Variants in NRP1 observed in about 807,000 individuals in gnomAD.
NRP1 encodes neuropilin-1.
Under a neutral mutation model 106.7 loss-of-function variants are expected in NRP1, and 35 were observed. The ratio of observed to expected loss-of-function variants is 0.33; its 90% CI spans 0.25 to 0.43. The LOEUF (loss-of-function observed/expected upper bound fraction) is 0.43. Among genes scored for constraint, NRP1 ranks in the 20% least tolerant of loss-of-function variants. NRP1 has a pLI of 1.00. For missense variants in NRP1, 1,024 were observed against 1,170.4 expected (o/e 0.87, Z 1.83); for synonymous variants, 437 against 417.9 (o/e 1.05, Z -0.56).
In NRP1 at chr10:33,189,139, AACAC is replaced by A. The variant is rs57366065; in HGVS notation, c.2063-2655_2063-2652del. On this transcript the variant is annotated intron_variant, in intron 13 of 16. Transcript: ENST00000374867. ...ATAAAGAACCAGCAGTGTCCTGCCA[AACAC>A]ACACACACACACACTCACTCACAAT... Among the ~76,000 whole-genome samples the A allele has an allele frequency of 2.7e-5, 4 of 149,024 alleles. No individual in the cohort carries two copies. In the East Asian group the frequency reaches 8.0e-4, roughly 30 times the overall value.
intron 2 of NRP1, among the ~76,000 whole-genome samples, chr10:33,315,585 T>A (rs1454652039): frequency 2.0e-5 from 3 of 152,214 alleles, no homozygotes; most frequent in Non-Finnish European, 4.4e-5. Flanking sequence ...AGAAAAACAA[T>A]ACTAGTCTCT....
chr10:33,284,938 A>ATTTTTTATT, intron 2 of NRP1, among the ~76,000 whole-genome samples: 1 of 151,926 alleles, frequency 6.6e-6, no homozygotes, highest in Non-Finnish European at 1.5e-5. Flanking sequence ...ACAGATCAGA[A>ATTTTTTATT]GCAATAAAAA....
At chr10:33,200,791 T>A (rs1238152614) in intron 11 of NRP1, among the ~76,000 whole-genome samples, 2 of 152,200 alleles carry the variant, frequency 1.3e-5, no homozygotes, top group African/African-American at 2.4e-5. Flanking sequence ...TGTGAGCACA[T>A]CCATTTTCAG....
At chr10:33,285,659 G>A (rs1422300642) in intron 2 of NRP1, among the ~76,000 whole-genome samples, 4 of 151,944 alleles carry the variant, frequency 2.6e-5, no homozygotes, top group African/African-American at 4.8e-5. Context: ...GTGAAACCGC[G>A]TATCTACTAA....
chr10:33,216,607 C>A (rs996958373), intron 8 of NRP1, among the ~76,000 whole-genome samples: 1 of 151,830 alleles, frequency 6.6e-6, no homozygotes, highest in Admixed American at 6.6e-5. Context: ...GTGGATGCTA[C>A]CATGATTGGC....
intron 2 of NRP1, among the ~76,000 whole-genome samples, chr10:33,301,682 A>T (rs1220673793): frequency 6.6e-6 from 1 of 152,182 alleles, no homozygotes; most frequent in Non-Finnish European, 1.5e-5. Flanking sequence ...TAAAAAATTA[A>T]AGGGGTGTTT....
At chr10:33,190,684 T>A (rs913798113) in intron 13 of NRP1, among the ~76,000 whole-genome samples, 1 of 152,068 alleles carries the variant, frequency 6.6e-6, no homozygotes, top group Admixed American at 6.6e-5. Flanking sequence ...TGGGGTACCT[T>A]TTGGGAAGCC....
intron 15 of NRP1, among the ~76,000 whole-genome samples, chr10:33,183,417 T>C (rs1012017008): frequency 2.0e-4 from 30 of 152,148 alleles, no homozygotes; most frequent in African/African-American, 7.0e-4. Flanking sequence ...TGAATATAGG[T>C]TCTACTGAAG....
chr10:33,187,515 G>C (rs972181829), intron 13 of NRP1, among the ~76,000 whole-genome samples: 2 of 152,148 alleles, frequency 1.3e-5, no homozygotes, highest in African/African-American at 4.8e-5. Flanking sequence ...AGGCAAGGTT[G>C]CCTTGTTGAG....
Position 33,192,303 on chromosome 10 carries a change from C to G in NRP1, c.2040G>C (p.Thr680=). ...QLKWSVLTSK[T]GPIQDHTGDG... ...TACCTGTGTGATCCTGAATGGGTCC[C>G]GTCTTGCTGGTCAACACACTCCACT... The change falls in exon 13 of 17, where the codon ACG becomes ACC. Residue 680 remains threonine, a synonymous_variant. Transcript: ENST00000374867. The G allele has an allele frequency of 1.9e-6, 3 of 1,613,706 alleles. No individual in the cohort carries two copies. The highest frequency in any genetic ancestry group is 2.5e-6 in the Non-Finnish European group (3 of 1,179,774).
chr10:33,258,540 T>C (rs1420367127), intron 4 of NRP1, among the ~76,000 whole-genome samples: 1 of 152,222 alleles, frequency 6.6e-6, no homozygotes, highest in Non-Finnish European at 1.5e-5. Flanking sequence ...GGCATCACGC[T>C]GTCACGGACA....
chr10:33,275,239 G>A (rs1021919144), intron 2 of NRP1, among the ~76,000 whole-genome samples: 5 of 152,156 alleles, frequency 3.3e-5, no homozygotes, highest in South Asian at 2.1e-4. Context: ...TGTTCTAAGC[G>A]AACAACCCAA....
At chr10:33,229,618 A>G (rs1179759818) in intron 6 of NRP1, among the ~76,000 whole-genome samples, 4 of 151,986 alleles carry the variant, frequency 2.6e-5, no homozygotes, top group Admixed American at 2.6e-4. Flanking sequence ...TCCTTTTTCT[A>G]TTTTTTAAAT....
chr10:33,220,595 G>T (rs1400470198), intron 8 of NRP1, among the ~76,000 whole-genome samples: 1 of 152,092 alleles, frequency 6.6e-6, no homozygotes, highest in Non-Finnish European at 1.5e-5. Flanking sequence ...GCATAGTCAT[G>T]CAAGAAAACA....
chr10:33,252,560 C>A (rs1588850775), intron 6 of NRP1, among the ~76,000 whole-genome samples: 1 of 152,128 alleles, frequency 6.6e-6, no homozygotes, highest in East Asian at 1.9e-4. Flanking sequence ...GCGAGCCACA[C>A]CCCTATCGCA....
intron 6 of NRP1, among the ~76,000 whole-genome samples, chr10:33,248,036 C>T (rs1333770049): frequency 6.6e-6 from 1 of 152,090 alleles, no homozygotes; most frequent in East Asian, 1.9e-4. Flanking sequence ...GTCTGTAATC[C>T]CAGCACTTTG....
intron 15 of NRP1, among the ~76,000 whole-genome samples, chr10:33,185,127 T>A (rs1172548624): frequency 2.0e-5 from 3 of 152,224 alleles, no homozygotes; most frequent in Non-Finnish European, 4.4e-5. Flanking sequence ...GTCCTTTAAG[T>A]CATTTCAGAT....
In NRP1 at chr10:33,203,810, G is replaced by A. The variant is rs1403051076; in HGVS notation, c.1760-815C>T. Among the ~76,000 whole-genome samples the A allele has an allele frequency of 6.5e-5, 5 of 76,960 alleles. 2 individuals carry two copies. The highest frequency in any genetic ancestry group is 8.2e-5 in the Non-Finnish European group (3 of 36,392). The allele number at this position is 76,960 out of a possible 152,430, so 50.5% of individuals were successfully genotyped here. On this transcript the variant is annotated intron_variant, in intron 10 of 16. Coordinates refer to ENST00000374867, the MANE Select transcript of NRP1 (RefSeq NM_003873.7). ...CTGCGGACTGCAGTGGCGCAATCTC[G>A]GCTCACTGCAAGCTCTGCTTCCCGG...
chr10:33,231,469 C>T (rs1669970699), intron 6 of NRP1, among the ~76,000 whole-genome samples: 1 of 152,146 alleles, frequency 6.6e-6, no homozygotes, highest in Non-Finnish European at 1.5e-5. Context: ...AAAATAAGGT[C>T]ATATTACCTC....
Sources: gnomAD v4.1 joint callset for allele counts (sites outside exome capture counted in the v4.1 genomes callset) on GRCh38, gnomAD v4.1.1 for gene constraint, MANE v1.5 for transcripts, NCBI Gene and HGNC (gene_info 2026-07-23, HGNC 2026-07-21) for gene names.